MARK3: variants seen among roughly 807,000 people sequenced by gnomAD.
MARK3 encodes MAP/microtubule affinity-regulating kinase 3.
In MARK3, 46 loss-of-function variants were observed where a neutral mutation model predicts 90.1. The ratio of observed to expected loss-of-function variants is 0.51; its 90% CI spans 0.40 to 0.65. MARK3 has a LOEUF of 0.65. Among genes scored for constraint, MARK3 ranks in the 30% least tolerant of loss-of-function variants. The pLI, the probability that MARK3 is intolerant of heterozygous loss-of-function variation, is 0.00. For missense variants in MARK3, 818 were observed against 947.2 expected (o/e 0.86, Z 1.79); for synonymous variants, 321 against 332.6 (o/e 0.97, Z 0.38).
At chr14:103,428,098 TCATC>T (rs1359569897) in intron 2 of MARK3, among the ~76,000 whole-genome samples, 1 of 152,178 alleles carries the variant, frequency 6.6e-6, no homozygotes, top group Non-Finnish European at 1.5e-5. Flanking sequence ...GGGACAAAGA[TCATC>T]TGTAACTTCT....
At chr14:103,413,003 T>C (rs2091746850) in intron 2 of MARK3, among the ~76,000 whole-genome samples, 1 of 151,620 alleles carries the variant, frequency 6.6e-6, no homozygotes, top group Non-Finnish European at 1.5e-5. Context: ...GCCTCCCGAG[T>C]AGCTGGGATT....
intron 11 of MARK3, chr14:103,467,779 GA>G (rs1464449907): frequency 1.1e-5 from 3 of 265,388 alleles, no homozygotes; most frequent in Non-Finnish European, 2.1e-5. Context: ...AGCATCAGAT[GA>G]AGTAAATACA....
chr14:103,405,128 C>T lies in MARK3; in HGVS notation c.104C>T (p.Ser35Leu), dbSNP rs190300333. 2.5e-6 allele frequency: 4 copies of T among 1,613,994 alleles called. No individual in the cohort carries two copies. The highest frequency in any genetic ancestry group is 1.7e-5 in the Admixed American group (1 of 59,988). The change falls in exon 2 of 18, where the codon TCA becomes TTA. Residue 35 changes from serine to leucine, a missense_variant. By Grantham distance (145) the Ser-to-Leu change is moderately radical. Coordinates refer to ENST00000429436, the MANE Select transcript of MARK3 (RefSeq NM_001128918.3). ...RQEVTSRTSR[S>L]GARCRNSIAS... ...GAAGTTACCTCTCGTACCAGCCGCTCAGGAGCTCGGTGTAGAAACTCTATA... is the reference window on the plus strand; with the variant it reads ...GAAGTTACCTCTCGTACCAGCCGCTTAGGAGCTCGGTGTAGAAACTCTATA...
intron 10 of MARK3, 110 bp from the exon 11 acceptor site, chr14:103,466,969 A>T (rs2093515735): frequency 1.9e-6 from 1 of 529,410 alleles, no homozygotes; most frequent in African/African-American, 2.0e-5. Flanking sequence ...GCGCCATTGC[A>T]CTCCAGCCTG....
At chr14:103,492,544 G>T (rs964045000) in intron 15 of MARK3, among the ~76,000 whole-genome samples, 11 of 152,156 alleles carry the variant, frequency 7.2e-5, no homozygotes, top group Non-Finnish European at 1.6e-4. Flanking sequence ...TTTATATTGA[G>T]AGCAAGGTAA....
Position 103,503,375 on chromosome 14 carries a change from A to T in MARK3, c.*148A>T. On this transcript the variant is annotated 3_prime_UTR_variant, in exon 18 of 18. Coordinates refer to ENST00000429436, the MANE Select transcript of MARK3 (RefSeq NM_001128918.3). ...AGGACGAGAGCACGCCTGGGAGCGA[A>T]AGCTGGCCTTTTTTCTACGAATGCA... 1.3e-6 allele frequency: 1 copy of T among 749,626 alleles called. No individual in the cohort carries two copies. The highest frequency in any genetic ancestry group is 1.9e-5 in the South Asian group (1 of 51,294). The allele number at this position is 749,626 out of a possible 1,614,324, so 46.4% of individuals were successfully genotyped here.
intron 16 of MARK3, chr14:103,499,285 C>G (rs2075522946): frequency 1.3e-5 from 2 of 152,050 alleles, no homozygotes; most frequent in African/African-American, 4.8e-5. Context: ...ATGGCAAAAC[C>G]CCGCCTCTAC....
At chr14:103,418,219 C>CTTTTTTTTTTTTT (rs36012703) in intron 2 of MARK3, among the ~76,000 whole-genome samples, 37 of 61,646 alleles carry the variant, frequency 6.0e-4, no homozygotes, top group African/African-American at 1.0e-3. Context: ...ATAGTAAAGG[C>CTTTTTTTTTTTTT]TTTTTTTTTT....
intron 1 of MARK3, among the ~76,000 whole-genome samples, chr14:103,403,532 G>A (rs7144010): frequency 0.35 from 52,784 of 151,828 alleles, 9,662 homozygotes; most frequent in East Asian, 0.5. Context: ...ACCAACTGCT[G>A]TTCTAAGATA....
chr14:103,479,330 G>T (rs576198384), intron 13 of MARK3, among the ~76,000 whole-genome samples: 15 of 152,216 alleles, frequency 9.9e-5, no homozygotes, highest in African/African-American at 3.6e-4. Context: ...TCTGCACCTG[G>T]CTGTGTTTTC....
chr14:103,500,264 C>A, intron 17 of MARK3, 64 bp downstream of exon 17: 1 of 1,218,254 alleles, frequency 8.2e-7, no homozygotes, highest in Non-Finnish European at 1.2e-6. Flanking sequence ...GTGGCAGAGG[C>A]GACTATTTTC....
chr14:103,424,540 A>AG (rs1566817968), intron 2 of MARK3, among the ~76,000 whole-genome samples: 2 of 9,354 alleles, frequency 2.1e-4, no homozygotes, highest in Non-Finnish European at 2.4e-3. Flanking sequence ...AAAAAAAACA[A>AG]AAAAAAGAAT....
intron 17 of MARK3, among the ~76,000 whole-genome samples, chr14:103,502,623 G>A (rs145985398): frequency 6.2e-4 from 95 of 152,276 alleles, no homozygotes; most frequent in African/African-American, 2.1e-3. Context: ...GAATTACTTC[G>A]TTCATTTTAG....
At chr14:103,386,521 G>C (rs1320436576) in intron 1 of MARK3, 2 of 398,434 alleles carry the variant, frequency 5.0e-6, no homozygotes, top group Non-Finnish European at 1.0e-5. Flanking sequence ...TAATCGATTG[G>C]GTCAAGTGGG....
intron 3 of MARK3, among the ~76,000 whole-genome samples, chr14:103,437,711 C>G (rs994740412): frequency 6.6e-6 from 1 of 152,200 alleles, no homozygotes. Context: ...AAAATATAAA[C>G]TTGGGTGCAA....
chr14:103,405,226 G>A lies in MARK3; in HGVS notation c.202G>A (p.Ala68Thr). 1.3e-6 allele frequency: 2 copies of A among 1,572,938 alleles called. No homozygotes were observed. The highest frequency in any genetic ancestry group is 1.7e-6 in the Non-Finnish European group (2 of 1,162,038). ...GAAAACAATCGGCAAGGGGAATTTT[G>A]CAAAAGTAAAATTGGCAAGACATAT... The part of the protein sequence containing the change: ...LLKTIGKGNF[A>T]KVKLARHILT... Residue 68 changes from alanine (A) to threonine (T), a missense_variant, in exon 2 of 18, where the codon GCA becomes ACA. Physicochemically the swap from Ala to Thr is moderately conservative, Grantham distance 58. Coordinates refer to ENST00000429436, the MANE Select transcript of MARK3 (RefSeq NM_001128918.3).
chr14:103,463,533 T>C (rs2093442065), intron 7 of MARK3, among the ~76,000 whole-genome samples: 1 of 152,182 alleles, frequency 6.6e-6, no homozygotes, highest in Non-Finnish European at 1.5e-5. Flanking sequence ...CTGATGTCCC[T>C]CAAGTACCTT....
At chr14:103,486,770 T>C (rs2093936989) in intron 14 of MARK3, among the ~76,000 whole-genome samples, 2 of 152,176 alleles carry the variant, frequency 1.3e-5, no homozygotes. Flanking sequence ...TGTTTCCTTC[T>C]GGGTGTTAGG....
In MARK3 at chr14:103,405,214, A is replaced by G. The variant is rs372607310; in HGVS notation, c.190A>G (p.Lys64Glu). ...GNYRLLKTIG[K>E]GNFAKVKLAR... ...CTACAGACTGTTGAAAACAATCGGC[A>G]AGGGGAATTTTGCAAAAGTAAAATT... The change falls in exon 2 of 18, where the codon AAG (lysine) becomes GAG (glutamate). Residue 64 changes from lysine (K) to glutamate (E), a missense_variant. Around this residue, in one of 3 missense-constraint regions of MARK3, gnomAD observed 157 missense variants for 158.7 expected, o/e 0.99. Transcript: ENST00000429436. 6.3e-7 allele frequency: 1 copy of G among 1,581,978 alleles called. No homozygotes were observed. Among genetic ancestry groups the G allele is most frequent in the African/African-American group, 1.4e-5 (1 of 73,088 alleles).
Sources: allele counts gnomAD v4.1 joint callset (sites outside exome capture counted in the v4.1 genomes callset), GRCh38; gene constraint gnomAD v4.1.1; regional missense constraint gnomAD v4.1.1; transcripts MANE v1.5; gene names NCBI Gene and HGNC (gene_info 2026-07-23, HGNC 2026-07-21).